The following FAF1 variants were observed in gnomAD, a reference collection of about 807,000 sequenced individuals.
The protein encoded by FAF1 is FAS-associated factor 1.
A neutral mutation model predicts 92.5 loss-of-function variants in FAF1; 25 were observed. That is an observed-to-expected ratio of 0.27 (90% CI 0.20 to 0.38). The LOEUF is 0.38. Ranked by LOEUF, FAF1 falls within the 10% of genes least tolerant of loss-of-function variation. The probability of loss-of-function intolerance (pLI) is 1.00; values close to 1 mark genes in which losing one functional copy is unlikely to be tolerated. For missense variants in FAF1, 636 were observed against 793.3 expected (o/e 0.80, Z 2.38); for synonymous variants, 234 against 273.2 (o/e 0.86, Z 1.42).
At chr1:50,706,742 A>G (rs1400808643) in intron 6 of FAF1, among the ~76,000 whole-genome samples, 1 of 152,210 alleles carries the variant, frequency 6.6e-6, no homozygotes, top group Non-Finnish European at 1.5e-5. Flanking sequence ...ATAAAGACCT[A>G]TCATCAGTAT....
At chr1:50,485,127 TA>T (rs1165331907) in intron 17 of FAF1, among the ~76,000 whole-genome samples, 3 of 151,434 alleles carry the variant, frequency 2.0e-5, no homozygotes, top group African/African-American at 7.3e-5. Flanking sequence ...TTATTATTAT[TA>T]TTATTTTTTT....
chr1:50,525,132 C>T (rs757258420), intron 15 of FAF1, among the ~76,000 whole-genome samples: 13 of 152,080 alleles, frequency 8.5e-5, no homozygotes, highest in Admixed American at 1.3e-4. Flanking sequence ...GTGATCCACC[C>T]GCCTCGGCCT....
intron 2 of FAF1, among the ~76,000 whole-genome samples, chr1:50,854,530 T>C (rs915358354): frequency 2.0e-5 from 3 of 152,014 alleles, no homozygotes; most frequent in Non-Finnish European, 4.4e-5. Flanking sequence ...CCTAAAAGTA[T>C]TAGTACATGT....
chr1:50,527,435 T>A (rs1647866964), intron 15 of FAF1, among the ~76,000 whole-genome samples: 1 of 152,236 alleles, frequency 6.6e-6, no homozygotes, highest in African/African-American at 2.4e-5. Flanking sequence ...TCTCCCAATC[T>A]GTGGGTTGTA....
chr1:50,519,361 A>C (rs1423096975), intron 15 of FAF1, among the ~76,000 whole-genome samples: 2 of 109,526 alleles, frequency 1.8e-5, no homozygotes, highest in Non-Finnish European at 3.8e-5. Flanking sequence ...GGAAGGAAGG[A>C]AGGAAGGAAG....
chr1:50,816,263 G>C (rs1055274236), intron 2 of FAF1, among the ~76,000 whole-genome samples: 1 of 145,856 alleles, frequency 6.9e-6, no homozygotes, highest in Non-Finnish European at 1.5e-5. Flanking sequence ...GGAGTGCAGA[G>C]GCGCGATCTC....
chr1:50,722,607 C>T (rs1658458264), intron 6 of FAF1, among the ~76,000 whole-genome samples: 1 of 148,980 alleles, frequency 6.7e-6, no homozygotes, highest in Non-Finnish European at 1.5e-5. Flanking sequence ...TGAGATCGCG[C>T]CACTGCACTC....
intron 1 of FAF1, among the ~76,000 whole-genome samples, chr1:50,934,994 A>C (rs1241794161): frequency 6.6e-6 from 1 of 152,164 alleles, no homozygotes; most frequent in African/African-American, 2.4e-5. Flanking sequence ...TGATGTGCCT[A>C]CATGTGATTT....
chr1:50,556,449 G>T (rs1649586300), intron 13 of FAF1, among the ~76,000 whole-genome samples: 1 of 152,060 alleles, frequency 6.6e-6, no homozygotes, highest in Non-Finnish European at 1.5e-5. Flanking sequence ...TACACTACTT[G>T]AAAGACGGGT....
At chr1:50,636,371 G>C (rs1654007398) in intron 8 of FAF1, among the ~76,000 whole-genome samples, 1 of 148,498 alleles carries the variant, frequency 6.7e-6, no homozygotes, top group African/African-American at 2.5e-5. Context: ...CTTAGTTTGG[G>C]GCGTGTCCTT....
intron 8 of FAF1, among the ~76,000 whole-genome samples, chr1:50,621,122 C>T (rs974805872): frequency 2.0e-4 from 30 of 152,238 alleles, no homozygotes; most frequent in Admixed American, 1.9e-3. Context: ...GCTCCATACT[C>T]CTAAGCTACA....
chr1:50,647,002 C>A (rs764310051), intron 8 of FAF1, among the ~76,000 whole-genome samples: 5 of 152,078 alleles, frequency 3.3e-5, no homozygotes, highest in Non-Finnish European at 4.4e-5. Context: ...TGAGCCACCA[C>A]GCCCAGCTAA....
At chr1:50,698,988 G>A (rs1357901449) in intron 7 of FAF1, among the ~76,000 whole-genome samples, 10 of 151,924 alleles carry the variant, frequency 6.6e-5, no homozygotes, top group South Asian at 2.1e-4. Flanking sequence ...TTGAAGAGAC[G>A]ATACAAACTT....
At chr1:50,479,724 C>T (rs1572772122) in intron 17 of FAF1, among the ~76,000 whole-genome samples, 1 of 152,186 alleles carries the variant, frequency 6.6e-6, no homozygotes, top group East Asian at 1.9e-4. Flanking sequence ...TAGCTCGTTA[C>T]TTCATTCATT....
intron 6 of FAF1, among the ~76,000 whole-genome samples, chr1:50,716,257 A>G (rs1456607291): frequency 2.0e-5 from 3 of 152,164 alleles, no homozygotes; most frequent in Non-Finnish European, 4.4e-5. Flanking sequence ...TAATTTAAGG[A>G]TTTCCTCTCT....
chr1:50,613,145 C>G (rs962404224), intron 8 of FAF1, among the ~76,000 whole-genome samples: 3 of 152,142 alleles, frequency 2.0e-5, no homozygotes, highest in Non-Finnish European at 2.9e-5. Context: ...AATATATAAC[C>G]TACCTAGTCC....
chr1:50,522,009 G>C (rs115152865), intron 15 of FAF1, among the ~76,000 whole-genome samples: 2,030 of 152,286 alleles, frequency 0.013, 43 homozygotes, highest in African/African-American at 0.045. Context: ...TGATCTATCA[G>C]CAGGCACTTT....
At chr1:50,880,879 C>T (rs2124688496) in intron 1 of FAF1, among the ~76,000 whole-genome samples, 1 of 152,280 alleles carries the variant, frequency 6.6e-6, no homozygotes, top group South Asian at 2.1e-4. Flanking sequence ...TCTAGCACAC[C>T]ATTTGGCTCT....
chr1:50,542,876 C>T (rs1046848075), intron 13 of FAF1, among the ~76,000 whole-genome samples: 21 of 151,940 alleles, frequency 1.4e-4, no homozygotes, highest in Non-Finnish European at 2.6e-4. Flanking sequence ...GGGAATGATA[C>T]AAGGGAAGAA....
Sources: gnomAD v4.1 joint callset for allele counts (sites outside exome capture counted in the v4.1 genomes callset) on GRCh38, gnomAD v4.1.1 for gene constraint, MANE v1.5 for transcripts, NCBI Gene and HGNC (gene_info 2026-07-23, HGNC 2026-07-21) for gene names.